The following SLC13A1 variants were observed in gnomAD, a reference collection of about 807,000 sequenced individuals.
SLC13A1 encodes the protein solute carrier family 13 member 1, also known as Na(+)/sulfate cotransporter.
Under a neutral mutation model 70.0 loss-of-function variants are expected in SLC13A1, and 65 were observed. The observed-to-expected ratio is 0.93, with a 90% CI of 0.76 to 1.14. The LOEUF is 1.14. Ranked by LOEUF, SLC13A1 falls within the 50% of genes most tolerant of loss-of-function variation. SLC13A1 has a pLI of 0.00. For synonymous variants in SLC13A1, 275 were observed against 250.5 expected, an observed-to-expected ratio of 1.10 and a Z score of -0.92; for missense variants, 726 against 717.8, an observed-to-expected ratio of 1.01 and a Z score of -0.13.
At chr7:123,162,246 A>G (rs1459611739) in intron 6 of SLC13A1, among the ~76,000 whole-genome samples, 3 of 152,122 alleles carry the variant, frequency 2.0e-5, no homozygotes, top group Non-Finnish European at 4.4e-5. Context: ...GTATTTCATA[A>G]AATAAAGATA....
intron 6 of SLC13A1, among the ~76,000 whole-genome samples, chr7:123,152,131 T>C (rs903592033): frequency 6.6e-6 from 1 of 152,144 alleles, no homozygotes; most frequent in Non-Finnish European, 1.5e-5. Flanking sequence ...TTTGTACATA[T>C]TTTTTAGGCT....
At chr7:123,122,984 G>T in intron 12 of SLC13A1, 142 bp downstream of exon 12, 1 of 631,992 alleles carries the variant, frequency 1.6e-6, no homozygotes, top group Non-Finnish European at 2.9e-6. Context: ...TCATTTGTGT[G>T]GTATATTCAC....
intron 7 of SLC13A1, among the ~76,000 whole-genome samples, chr7:123,137,526 A>G (rs1329962094): frequency 6.6e-6 from 1 of 152,198 alleles, no homozygotes; most frequent in Non-Finnish European, 1.5e-5. Flanking sequence ...CCCTGTAGCA[A>G]GGGCCTGAAG....
At chr7:123,128,711 T>G (rs1162791481) in intron 10 of SLC13A1, 134 bp downstream of exon 10, 1 of 637,734 alleles carries the variant, frequency 1.6e-6, no homozygotes, top group Non-Finnish European at 2.7e-6. Context: ...CTGAAAAGAT[T>G]AGAACTTAAA....
At position 123,180,950 on chromosome 7, in the gene SLC13A1, A is replaced by G. The variant is rs771065563; in HGVS notation, c.228+23T>C. 7.5e-6 allele frequency: 12 copies of G among 1,597,192 alleles called. No individual in the cohort carries two copies. In the African/African-American group the frequency reaches 9.5e-5, roughly 13 times the overall value. ...TCAATACAAAACAGGAAATCAACTT[A>G]TGACATTGGCAAGAGGACTTACCTT... On this transcript the variant is annotated intron_variant, in intron 2 of 14. Transcript: ENST00000194130.
intron 1 of SLC13A1, among the ~76,000 whole-genome samples, chr7:123,182,619 C>T (rs1164678797): frequency 1.3e-5 from 2 of 152,046 alleles, no homozygotes; most frequent in Non-Finnish European, 2.9e-5. Context: ...TGAGGGTCTG[C>T]TAAAACATCA....
At chr7:123,191,003 T>A (rs1795977108) in intron 1 of SLC13A1, among the ~76,000 whole-genome samples, 1 of 152,194 alleles carries the variant, frequency 6.6e-6, no homozygotes, top group Non-Finnish European at 1.5e-5. Flanking sequence ...ATTTTGTCAG[T>A]CTTTCTTTAG....
intron 8 of SLC13A1, among the ~76,000 whole-genome samples, chr7:123,133,498 G>T (rs552763771): frequency 1.3e-5 from 2 of 151,954 alleles, no homozygotes; most frequent in African/African-American, 2.4e-5. Flanking sequence ...AGGACTCAAA[G>T]GACACTTAGA....
intron 6 of SLC13A1, 81 bp downstream of exon 6, chr7:123,168,293 G>T (rs28364230): frequency 0.028 from 25,481 of 906,380 alleles, 408 homozygotes; most frequent in Non-Finnish European, 0.033. Context: ...CAAGTGGCAG[G>T]TTTTAAAATG....
intron 6 of SLC13A1, among the ~76,000 whole-genome samples, chr7:123,156,954 A>G (rs1794733998): frequency 6.6e-6 from 1 of 152,004 alleles, no homozygotes; most frequent in Non-Finnish European, 1.5e-5. Context: ...ATGAAAATCA[A>G]TTTCTATGCT....
At chr7:123,197,398 T>A (rs1008020948) in intron 1 of SLC13A1, among the ~76,000 whole-genome samples, 4 of 152,126 alleles carry the variant, frequency 2.6e-5, no homozygotes, top group African/African-American at 9.7e-5. Context: ...TTTAGAAGCA[T>A]AGACTTCTTC....
intron 6 of SLC13A1, among the ~76,000 whole-genome samples, chr7:123,167,357 A>G (rs1795111168): frequency 6.6e-6 from 1 of 152,180 alleles, no homozygotes; most frequent in Non-Finnish European, 1.5e-5. Flanking sequence ...ATCTTAAAAA[A>G]TCCTTAATAT....
intron 1 of SLC13A1, among the ~76,000 whole-genome samples, chr7:123,182,340 C>T (rs531139791): frequency 5.4e-4 from 82 of 152,232 alleles, no homozygotes; most frequent in African/African-American, 1.9e-3. Context: ...TTTATGTTTT[C>T]CATCATACTT....
chr7:123,122,463 C>T (rs1793415829), intron 12 of SLC13A1, among the ~76,000 whole-genome samples: 1 of 152,076 alleles, frequency 6.6e-6, no homozygotes. Context: ...CTTCCAACAA[C>T]TCTACAAAGA....
In SLC13A1 at chr7:123,125,602, T is replaced by A. The variant is rs200260956; in HGVS notation, c.1207A>T (p.Thr403Ser). Residue 403 changes from threonine (T) to serine (S), a missense_variant, in exon 11 of 15, where the codon ACA becomes TCA. Coordinates refer to ENST00000194130, the MANE Select transcript of SLC13A1 (RefSeq NM_022444.4). ...CCTGTAGGTGTAGTTTTAGTCAGTG[T>A]CTTAGCTGGGATAAGAAAGAATAGC... is the stretch of plus-strand genomic sequence containing the variant. ...GLLFFLIPAK[T>S]LTKTTPTGEI... 1.1e-4 allele frequency: 182 copies of A among 1,612,928 alleles called. No homozygotes were observed. The highest frequency in any genetic ancestry group is 1.6e-4 in the Middle Eastern group (1 of 6,074).
At chr7:123,162,451 T>C (rs1199562094) in intron 6 of SLC13A1, among the ~76,000 whole-genome samples, 1 of 152,054 alleles carries the variant, frequency 6.6e-6, no homozygotes, top group Non-Finnish European at 1.5e-5. Context: ...TCTCTCTCCT[T>C]GCTTACCTCG....
intron 11 of SLC13A1, among the ~76,000 whole-genome samples, chr7:123,125,206 A>G (rs1031911624): frequency 1.3e-5 from 2 of 152,172 alleles, no homozygotes; most frequent in African/African-American, 4.8e-5. Context: ...GATCCTCTGC[A>G]TTTATTACCA....
intron 6 of SLC13A1, among the ~76,000 whole-genome samples, chr7:123,166,840 C>T (rs1017067510): frequency 9.9e-5 from 15 of 151,960 alleles, no homozygotes; most frequent in Admixed American, 3.3e-4. Flanking sequence ...TGAATAGTGC[C>T]GCAATAAACA....
At position 123,199,774 on chromosome 7, in the gene SLC13A1, A is replaced by C. The variant is rs897232027; in HGVS notation, c.99+74T>G. On this transcript the variant is annotated intron_variant, in intron 1 of 14. Coordinates refer to ENST00000194130, the MANE Select transcript of SLC13A1 (RefSeq NM_022444.4). ...ATTCAGCTCTGAGCCAGGCAGTTAA[A>C]CAGCAAACAGTTTTAATAAAGGACA... 27 of 1,130,626 alleles carry C rather than the reference A, an allele frequency of 2.4e-5. No homozygotes were observed. In the African/African-American group the frequency reaches 3.2e-4, roughly 13 times the overall value. The allele number at this position is 1,130,626 out of a possible 1,614,324, so 70.0% of individuals were successfully genotyped here. A position where few individuals can be genotyped will look rare whatever the true frequency, so the allele number is the denominator to read the frequency against.
Sources: gnomAD v4.1 joint callset for allele counts (sites outside exome capture counted in the v4.1 genomes callset) on GRCh38, gnomAD v4.1.1 for gene constraint, MANE v1.5 for transcripts, NCBI Gene and HGNC (gene_info 2026-07-23, HGNC 2026-07-21) for gene names.